Variants in TRAF3IP1 observed in about 807,000 individuals in gnomAD.
TRAF3IP1 encodes the protein TRAF3-interacting protein 1.
In TRAF3IP1, 53 loss-of-function variants were observed where a neutral mutation model predicts 89.9. The observed-to-expected ratio is 0.59, with a 90% confidence interval of 0.47 to 0.74. The LOEUF (loss-of-function observed/expected upper bound fraction) is 0.74. Ranked by LOEUF, TRAF3IP1 falls within the 30% of genes least tolerant of loss-of-function variation. TRAF3IP1 has a pLI of 0.00. For synonymous variants in TRAF3IP1, 311 were observed against 322.1 expected (o/e 0.97, Z 0.37); for missense variants, 806 against 866.1 (o/e 0.93, Z 0.87).
chr2:238,349,479 G>A, intron 12 of TRAF3IP1, 71 bp downstream of exon 12: 1 of 1,453,974 alleles, frequency 6.9e-7, no homozygotes, highest in South Asian at 1.2e-5. Flanking sequence ...CCTCCGCTAA[G>A]AGAAGGGGGA....
At position 238,325,934 on chromosome 2, in the gene TRAF3IP1, G is replaced by A. The variant is rs762357686; in HGVS notation, c.318G>A (p.Glu106=). The change falls in exon 3 of 17, where the codon GAG becomes GAA. Residue 106 remains glutamate, a synonymous_variant. Transcript: ENST00000373327. The part of the protein sequence containing the change: ...VAGHEPERTN[E]LLQIIGKCCL... Reference sequence around the variant, plus strand: ...GGCATGAGCCTGAAAGAACAAACGAGCTGCTCCAGATAATTGGAAAATGCT... The same window carrying A: ...GGCATGAGCCTGAAAGAACAAACGAACTGCTCCAGATAATTGGAAAATGCT... 2 of 1,613,916 alleles carry A rather than the reference G, an allele frequency of 1.2e-6. No homozygotes were observed. The highest frequency in any genetic ancestry group is 2.2e-5 in the South Asian group (2 of 91,012).
At chr2:238,373,939 A>G (rs1035576439) in intron 15 of TRAF3IP1, among the ~76,000 whole-genome samples, 16 of 151,636 alleles carry the variant, frequency 1.1e-4, no homozygotes, top group African/African-American at 3.9e-4. Context: ...CTGTCTGTTA[A>G]TGGTGTATAG....
intron 15 of TRAF3IP1, among the ~76,000 whole-genome samples, chr2:238,383,647 G>A (rs1466728405): frequency 1.3e-5 from 2 of 152,136 alleles, no homozygotes; most frequent in Non-Finnish European, 2.9e-5. Context: ...ATCTTGGGTC[G>A]TCTAGATTGT....
chr2:238,377,491 A>G (rs1240941435), intron 15 of TRAF3IP1, among the ~76,000 whole-genome samples: 1 of 151,994 alleles, frequency 6.6e-6, no homozygotes, highest in Non-Finnish European at 1.5e-5. Context: ...TGATTCTATT[A>G]TATTCCTTAA....
chr2:238,380,429 G>A (rs1488623423), intron 15 of TRAF3IP1, among the ~76,000 whole-genome samples: 1 of 152,158 alleles, frequency 6.6e-6, no homozygotes, highest in East Asian at 1.9e-4. Flanking sequence ...GAGTGGTGGG[G>A]GTGTCCTCTT....
At chr2:238,356,118 A>C (rs1283809642) in intron 15 of TRAF3IP1, 38 bp downstream of exon 15, 4 of 1,484,638 alleles carry the variant, frequency 2.7e-6, no homozygotes, top group East Asian at 2.3e-5. Context: ...GCATTTTAGC[A>C]GTCTGTTTCA....
chr2:238,390,488 T>C (rs1700948870), intron 15 of TRAF3IP1, among the ~76,000 whole-genome samples: 1 of 152,212 alleles, frequency 6.6e-6, no homozygotes, highest in African/African-American at 2.4e-5. Context: ...CTATAAATAC[T>C]TTTTTCACTG....
chr2:238,364,069 T>G (rs997330442), intron 15 of TRAF3IP1, among the ~76,000 whole-genome samples: 6 of 152,238 alleles, frequency 3.9e-5, no homozygotes, highest in Non-Finnish European at 7.3e-5. Context: ...ATTTTCTCTC[T>G]GTCTCATTAA....
At chr2:238,363,344 C>T (rs1699740091) in intron 15 of TRAF3IP1, among the ~76,000 whole-genome samples, 1 of 152,108 alleles carries the variant, frequency 6.6e-6, no homozygotes, top group Non-Finnish European at 1.5e-5. Flanking sequence ...TCCTTGACTT[C>T]TAAATTCCTT....
chr2:238,337,006 G>T (rs909015590), intron 7 of TRAF3IP1, among the ~76,000 whole-genome samples: 1 of 151,962 alleles, frequency 6.6e-6, no homozygotes, highest in Non-Finnish European at 1.5e-5. Flanking sequence ...TGGGGCCTGC[G>T]CTCTAGAACA....
chr2:238,397,239 C>T (rs1701265413), intron 15 of TRAF3IP1, among the ~76,000 whole-genome samples: 1 of 152,216 alleles, frequency 6.6e-6, no homozygotes, highest in Admixed American at 6.5e-5. Flanking sequence ...AGCGGCCCCT[C>T]CCTGGCAGTG....
chr2:238,343,929 G>A (rs1362741291), intron 8 of TRAF3IP1, among the ~76,000 whole-genome samples: 1 of 151,352 alleles, frequency 6.6e-6, no homozygotes, highest in African/African-American at 2.4e-5. Flanking sequence ...AAAATGCGGG[G>A]ATTATAGGTG....
chr2:238,358,304 A>G (rs564400919), intron 15 of TRAF3IP1, among the ~76,000 whole-genome samples: 28 of 152,230 alleles, frequency 1.8e-4, no homozygotes, highest in African/African-American at 6.7e-4. Context: ...TAGGAAGCCA[A>G]GGTGGGCGGA....
At position 238,334,478 on chromosome 2, in the gene TRAF3IP1, T is replaced by A. The variant is rs528258085; in HGVS notation, c.1063+443T>A. Among the ~76,000 whole-genome samples, 13 of 152,200 alleles carry A rather than the reference T, an allele frequency of 8.5e-5. No individual in the cohort carries two copies. In the East Asian group the frequency reaches 2.3e-3, roughly 27 times the overall value. On this transcript the variant is annotated intron_variant, in intron 7 of 16. Coordinates refer to ENST00000373327, the MANE Select transcript of TRAF3IP1 (RefSeq NM_015650.4). ...TGGAAGCCATGCTAAAAGCCGAATG[T>A]ACAGGCCTGGCCTGCGGTCCGCTGA...
chr2:238,322,420 G>A (rs1697597069), intron 1 of TRAF3IP1, among the ~76,000 whole-genome samples: 1 of 152,166 alleles, frequency 6.6e-6, no homozygotes, highest in African/African-American at 2.4e-5. Context: ...TGGGTGCTGT[G>A]GCTCACGCCT....
intron 15 of TRAF3IP1, among the ~76,000 whole-genome samples, chr2:238,364,586 A>T (rs1457404620): frequency 6.6e-6 from 1 of 151,616 alleles, no homozygotes; most frequent in Non-Finnish European, 1.5e-5. Context: ...CTCACTCCTA[A>T]TTTTTCAGTC....
chr2:238,397,282 G>A (rs1247926684), intron 15 of TRAF3IP1, 177 bp from the exon 16 acceptor site: 3 of 592,446 alleles, frequency 5.1e-6, no homozygotes, highest in Admixed American at 5.9e-5. Flanking sequence ...GCACTTCAGA[G>A]TTACTCTGTT....
intron 15 of TRAF3IP1, among the ~76,000 whole-genome samples, chr2:238,383,121 C>T (rs1191023018): frequency 6.6e-6 from 1 of 152,148 alleles, no homozygotes; most frequent in East Asian, 1.9e-4. Flanking sequence ...GAAGTCTGCA[C>T]CCAGCTCTCC....
intron 15 of TRAF3IP1, among the ~76,000 whole-genome samples, chr2:238,394,866 G>C (rs868386819): frequency 3.7e-4 from 57 of 152,316 alleles, no homozygotes; most frequent in African/African-American, 1.3e-3. Flanking sequence ...AGTGAATCTA[G>C]GCACAAGGTC....
Sources: gnomAD v4.1 joint callset for allele counts (sites outside exome capture counted in the v4.1 genomes callset) on GRCh38, gnomAD v4.1.1 for gene constraint, MANE v1.5 for transcripts, NCBI Gene and HGNC (gene_info 2026-07-23, HGNC 2026-07-21) for gene names.